Variants in XPNPEP3 observed in about 807,000 individuals in gnomAD.
The protein encoded by XPNPEP3 is X-prolyl aminopeptidase 3, also known as xaa-Pro aminopeptidase 3.
In XPNPEP3, 41 loss-of-function variants were observed where a neutral mutation model predicts 60.0. That is an observed-to-expected ratio of 0.68 (90% CI 0.53 to 0.89). The LOEUF (loss-of-function observed/expected upper bound fraction) is 0.89. XPNPEP3 is among the 40% of genes least tolerant of loss of function. The pLI, the probability that XPNPEP3 is intolerant of heterozygous loss-of-function variation, is 0.00. For missense variants in XPNPEP3, 598 were observed against 638.9 expected (o/e 0.94, Z 0.69); for synonymous variants, 212 against 223.2 (o/e 0.95, Z 0.45).
intron 1 of XPNPEP3, chr22:40,862,452 G>A (rs1403864488): frequency 1.0e-6 from 1 of 986,676 alleles, no homozygotes; most frequent in Admixed American, 6.1e-5. Context: ...GAAAAATGAA[G>A]TACTGACTTA....
Position 40,907,637 on chromosome 22 carries a change from T to C in XPNPEP3, c.843T>C (p.Phe281=), listed in dbSNP as rs1768755314. The change falls in exon 5 of 10, where the codon TTT becomes TTC. Residue 281 remains phenylalanine, a synonymous_variant. Coordinates refer to ENST00000357137, the MANE Select transcript of XPNPEP3 (RefSeq NM_022098.4). ...GTAAAGCCCCTGTGGAAGAAGCCTT[T>C]CTTTATGCTAAGGTGAGATTCAGAT... ...FTSKAPVEEA[F]LYAKFEFECR... is the part of the protein sequence containing the mutation. The C allele has an allele frequency of 6.2e-7, 1 of 1,613,996 alleles. No individual in the cohort carries two copies. The highest frequency in any genetic ancestry group is 1.1e-5 in the South Asian group (1 of 91,086).
intron 9 of XPNPEP3, among the ~76,000 whole-genome samples, chr22:40,925,127 A>G (rs1437876134): frequency 1.3e-5 from 2 of 152,210 alleles, no homozygotes; most frequent in East Asian, 3.8e-4. Flanking sequence ...AGACAGGCAG[A>G]CACACTATGC....
chr22:40,906,587 C>A (rs2146268976), intron 4 of XPNPEP3, among the ~76,000 whole-genome samples: 1 of 152,256 alleles, frequency 6.6e-6, no homozygotes, highest in African/African-American at 2.4e-5. Flanking sequence ...TGGCATCCTA[C>A]ATTGAACAGG....
chr22:40,893,096 T>TTATATATAAA (rs201658497), intron 4 of XPNPEP3, among the ~76,000 whole-genome samples: 1 of 146,812 alleles, frequency 6.8e-6, no homozygotes, highest in East Asian at 2.0e-4. Context: ...TATATTTAGT[T>TTATATATAAA]TATATATAAA....
At position 40,881,794 on chromosome 22, in the gene XPNPEP3, A is replaced by G. The variant is rs2146250130; in HGVS notation, c.206A>G (p.Gln69Arg). The stretch of plus-strand genomic sequence containing the variant: ...GGGGAGGTAACTCCAGGACTATCTC[A>G]GGTGGAATATGCACTTCGCAGACAC... ...RPGEVTPGLS[Q>R]VEYALRRHKL... is the part of the protein sequence containing the mutation. The change falls in exon 3 of 10, where the codon CAG (glutamine) becomes CGG (arginine). Residue 69 changes from glutamine to arginine, a missense_variant. Transcript: ENST00000357137. 1 of 1,613,948 alleles carries G rather than the reference A, an allele frequency of 6.2e-7. No homozygotes were observed. Among genetic ancestry groups the G allele is most frequent in the Non-Finnish European group, 8.5e-7 (1 of 1,179,804 alleles).
chr22:40,883,405 A>T (rs926023129), intron 3 of XPNPEP3, among the ~76,000 whole-genome samples: 1 of 151,678 alleles, frequency 6.6e-6, no homozygotes, highest in Admixed American at 6.6e-5. Context: ...CCAGGTTGGG[A>T]TGTAGGTATA....
In XPNPEP3 at chr22:40,928,142, A is replaced by G. The variant is rs894946908; in HGVS notation, c.*1707A>G. 2 of 150,962 alleles carry G rather than the reference A, an allele frequency of 1.3e-5. No individual in the cohort carries two copies. Among genetic ancestry groups the G allele is most frequent in the Non-Finnish European group, 2.9e-5 (2 of 67,848 alleles). The allele number at this position is 150,962 out of a possible 1,614,324, so 9.4% of individuals were successfully genotyped here. On this transcript the variant is annotated 3_prime_UTR_variant, in exon 10 of 10. Coordinates refer to ENST00000357137, the MANE Select transcript of XPNPEP3 (RefSeq NM_022098.4). ...TCTACCAAGTACCCGTAAATATCCT[A>G]TGATTCTTATCTTTCTTTGATACTA...
rs1569021541 is a variant in XPNPEP3 at position 40,886,367 on chromosome 22, A to C, written c.644A>C (p.His215Pro). 1.2e-6 allele frequency: 2 copies of C among 1,614,096 alleles called. No homozygotes were observed. The highest frequency in any genetic ancestry group is 1.7e-6 in the Non-Finnish European group (2 of 1,180,010). The part of the protein sequence containing the change: ...DWMRPSHAQL[H>P]SDYMQPLTEA... Reference sequence around the variant, plus strand: ...ATGAGGCCCTCACATGCACAGCTTCACTCTGACTATATGCAGCCCCTGACT... The same window carrying C: ...ATGAGGCCCTCACATGCACAGCTTCCCTCTGACTATATGCAGCCCCTGACT... Residue 215 changes from histidine (H) to proline (P), a missense_variant, in exon 4 of 10, where the codon CAC becomes CCC. His to Pro is a moderately conservative substitution (Grantham distance 77). Transcript: ENST00000357137.
Position 40,898,994 on chromosome 22 carries a change from C to T in XPNPEP3, c.793-8593C>T, listed in dbSNP as rs73412758. On this transcript the variant is annotated intron_variant, in intron 4 of 9. Transcript: ENST00000357137. ...CCATTTTAATAAACTAGGGGTTTCC[C>T]TGCAAACCTTTCTCACTCAGCAATA... Among the ~76,000 whole-genome samples, 960 of 152,292 alleles carry T rather than the reference C, an allele frequency of 6.3e-3. 9 individuals carry two copies. The highest frequency in any genetic ancestry group is 0.022 in the African/African-American group (911 of 41,558).
intron 1 of XPNPEP3, chr22:40,860,438 T>G (rs1380031059): frequency 3.0e-6 from 1 of 332,304 alleles, no homozygotes; most frequent in East Asian, 5.1e-5. Flanking sequence ...TACCTTTAAG[T>G]TATAATGCAT....
intron 4 of XPNPEP3, among the ~76,000 whole-genome samples, chr22:40,890,512 C>G (rs1454955526): frequency 2.6e-5 from 4 of 152,088 alleles, no homozygotes; most frequent in Non-Finnish European, 5.9e-5. Context: ...GCACTCCAGC[C>G]TGGGCAACAG....
chr22:40,882,886 T>C (rs2058053934), intron 3 of XPNPEP3, among the ~76,000 whole-genome samples: 1 of 152,184 alleles, frequency 6.6e-6, no homozygotes, highest in Admixed American at 6.5e-5. Flanking sequence ...TAATGGAGAC[T>C]GTTACCTATC....
chr22:40,866,264 T>G (rs1447286234), intron 1 of XPNPEP3, among the ~76,000 whole-genome samples: 2 of 152,102 alleles, frequency 1.3e-5, no homozygotes, highest in African/African-American at 4.8e-5. Flanking sequence ...GATCTCTGCT[T>G]CCAAAGATTG....
intron 7 of XPNPEP3, among the ~76,000 whole-genome samples, chr22:40,914,678 G>C (rs956429567): frequency 6.7e-6 from 1 of 150,294 alleles, no homozygotes; most frequent in African/African-American, 2.5e-5. Flanking sequence ...TCTCTTCTCA[G>C]ACCTCTTAAG....
chr22:40,867,892 CA>C (rs2057986395), intron 1 of XPNPEP3, among the ~76,000 whole-genome samples: 2 of 148,830 alleles, frequency 1.3e-5, no homozygotes, highest in Non-Finnish European at 1.5e-5. Flanking sequence ...GAGCTATGAT[CA>C]TGCCACTACA....
At chr22:40,892,634 A>G (rs1010909588) in intron 4 of XPNPEP3, among the ~76,000 whole-genome samples, 1 of 152,194 alleles carries the variant, frequency 6.6e-6, no homozygotes, top group Non-Finnish European at 1.5e-5. Context: ...TAGTACAACT[A>G]TTTGTACAAC....
Position 40,931,683 on chromosome 22 carries a change from T to C in XPNPEP3, c.*5248T>C, listed in dbSNP as rs2058255223. 1 of 152,246 alleles carries C rather than the reference T, an allele frequency of 6.6e-6. No individual in the cohort carries two copies. The highest frequency in any genetic ancestry group is 1.9e-4 in the East Asian group (1 of 5,176). The allele number at this position is 152,246 out of a possible 1,614,324, so 9.4% of individuals were successfully genotyped here. A position where few individuals can be genotyped will look rare whatever the true frequency, so the allele number is the denominator to read the frequency against. On this transcript the variant is annotated 3_prime_UTR_variant, in exon 10 of 10. Transcript: ENST00000357137. ...GAGCCATGATTGTGCCACTTCACCC[T>C]GGGCAACAGAGAAAGACCCTGTCTC...
At chr22:40,860,613 G>C in intron 1 of XPNPEP3, 2 of 1,265,506 alleles carry the variant, frequency 1.6e-6, no homozygotes, top group Non-Finnish European at 2.1e-6. Flanking sequence ...CTCTACTAAA[G>C]AAAAATTCAA....
chr22:40,866,490 AAG>A (rs997289952), intron 1 of XPNPEP3, among the ~76,000 whole-genome samples: 34 of 152,224 alleles, frequency 2.2e-4, no homozygotes, highest in African/African-American at 6.7e-4. Context: ...ACTTTAGACT[AAG>A]AGAACTATAT....
Sources: gnomAD v4.1 joint callset for allele counts (sites outside exome capture counted in the v4.1 genomes callset) on GRCh38, gnomAD v4.1.1 for gene constraint, MANE v1.5 for transcripts, NCBI Gene and HGNC (gene_info 2026-07-23, HGNC 2026-07-21) for gene names.